PRDM16: variants seen among roughly 807,000 people sequenced by gnomAD.
PRDM16 encodes the protein histone-lysine N-methyltransferase PRDM16.
Under a neutral mutation model 110.6 loss-of-function variants are expected in PRDM16, and 23 were observed. The observed-to-expected ratio is 0.21, with a 90% CI of 0.15 to 0.29. PRDM16 has a LOEUF of 0.29. Among genes scored for constraint, PRDM16 ranks in the 10% least tolerant of loss-of-function variants. PRDM16 has a pLI of 1.00. For missense variants in PRDM16, 1,615 were observed against 1,794.3 expected (o/e 0.90, Z 1.81); for synonymous variants, 799 against 781.8 (o/e 1.02, Z -0.37).
intron 1 of PRDM16, among the ~76,000 whole-genome samples, chr1:3,152,384 TTATCCATCCATCCATCCATTTATCC>T (rs1445456390): frequency 4.4e-5 from 5 of 113,702 alleles, no homozygotes; most frequent in Admixed American, 3.1e-4. Context: ...ATCCATCCAT[TTATCCATCCATCCATCCATTTATCC>T]ATCCATCCAT....
intron 1 of PRDM16, among the ~76,000 whole-genome samples, chr1:3,079,347 G>A (rs1275691466): frequency 2.6e-5 from 4 of 152,070 alleles, no homozygotes; most frequent in Admixed American, 2.0e-4. Context: ...CCCTGTGTGT[G>A]CACAGGGCTC....
chr1:3,354,543 C>T (rs1642556472), intron 3 of PRDM16, among the ~76,000 whole-genome samples: 1 of 152,136 alleles, frequency 6.6e-6, no homozygotes, highest in African/African-American at 2.4e-5. Context: ...AGGCCCTCAG[C>T]CCTTTGACCA....
chr1:3,271,171 A>G (rs541693068), intron 3 of PRDM16, among the ~76,000 whole-genome samples: 1 of 152,172 alleles, frequency 6.6e-6, no homozygotes, highest in South Asian at 2.1e-4. Context: ...GGGGCCCCGG[A>G]CGCCTCCAGG....
chr1:3,165,433 T>G (rs61759163), intron 1 of PRDM16, among the ~76,000 whole-genome samples: 5,952 of 43,530 alleles, frequency 0.14, 145 homozygotes, highest in Admixed American at 0.17. Flanking sequence ...TCAGGGACAG[T>G]GACTCACCTG....
intron 3 of PRDM16, among the ~76,000 whole-genome samples, chr1:3,363,455 G>A (rs1642751959): frequency 3.9e-5 from 6 of 152,172 alleles, no homozygotes; most frequent in South Asian, 4.1e-4. Flanking sequence ...GAGGGATCCC[G>A]GTGAGCACGG....
chr1:3,095,294 C>T (rs569149834), intron 1 of PRDM16, among the ~76,000 whole-genome samples: 44 of 150,534 alleles, frequency 2.9e-4, no homozygotes, highest in Non-Finnish European at 4.3e-4. Flanking sequence ...GGGAGGTAGC[C>T]GAGAAGAGGG....
chr1:3,425,430 TG>T lies in PRDM16; in HGVS notation c.2940-148del. 2 of 768,906 alleles carry T rather than the reference TG, an allele frequency of 2.6e-6. No individual in the cohort carries two copies. The highest frequency in any genetic ancestry group is 4.1e-6 in the Non-Finnish European group (2 of 491,470). 47.6% of individuals were successfully genotyped at this position (768,906 alleles called of 1,614,324 possible). A position where few individuals can be genotyped will look rare whatever the true frequency, so the allele number is the denominator to read the frequency against. ...CCCAGGATGCCTTTGGCTCTGCAGC[TG>T]GGAGATCCAGCAACCTCCGGGACAC... is the stretch of plus-strand genomic sequence containing the variant. On this transcript the variant is annotated intron_variant, in intron 12 of 16. Transcript: ENST00000270722. This position sits in a 1 kb window ranked among gnomAD's most constrained non-coding sequence, Gnocchi z 6.9.
intron 3 of PRDM16, among the ~76,000 whole-genome samples, chr1:3,257,966 G>A (rs1198467014): frequency 6.6e-6 from 1 of 152,154 alleles, no homozygotes. Flanking sequence ...TGTCCTGGGT[G>A]CTGGAGACAT....
chr1:3,276,345 G>C (rs969105384), intron 3 of PRDM16, among the ~76,000 whole-genome samples: 3 of 152,212 alleles, frequency 2.0e-5, no homozygotes, highest in Admixed American at 1.3e-4. Context: ...CAGCGACCAG[G>C]CCTCTTGAGG....
At chr1:3,408,068 G>A (rs560418076) in intron 8 of PRDM16, among the ~76,000 whole-genome samples, 3 of 152,376 alleles carry the variant, frequency 2.0e-5, no homozygotes, top group Admixed American at 6.5e-5. Context: ...TTCAGGCTTG[G>A]AGAGGAGAAT....
chr1:3,323,747 A>G (rs1397747889), intron 3 of PRDM16, among the ~76,000 whole-genome samples: 4 of 152,244 alleles, frequency 2.6e-5, no homozygotes, highest in Non-Finnish European at 5.9e-5. Context: ...AAGGTCTCAC[A>G]TCCCAGAACC....
chr1:3,379,017 G>A (rs1643044963), intron 3 of PRDM16, among the ~76,000 whole-genome samples: 1 of 151,732 alleles, frequency 6.6e-6, no homozygotes, highest in Non-Finnish European at 1.5e-5. Flanking sequence ...ACACCTGACT[G>A]TGATAGCAGA....
At position 3,382,439 on chromosome 1, in the gene PRDM16, G is replaced by T. The variant is rs1643117527; in HGVS notation, c.439-2713G>T. On this transcript the variant is annotated intron_variant, in intron 3 of 16. Coordinates refer to ENST00000270722, the MANE Select transcript of PRDM16 (RefSeq NM_022114.4). This position sits in a 1 kb window ranked among gnomAD's most constrained non-coding sequence, Gnocchi z 6.6. ...CAGGACCTCAAATGTCAAGGGATTT[G>T]CAGTCCTGCCTGGGGCACAGCTGTG... Among the ~76,000 whole-genome samples the T allele has an allele frequency of 6.6e-6, 1 of 152,192 alleles. No individual in the cohort carries two copies. Among genetic ancestry groups the T allele is most frequent in the East Asian group, 1.9e-4 (1 of 5,184 alleles).
chr1:3,109,790 G>A (rs1189147931), intron 1 of PRDM16, among the ~76,000 whole-genome samples: 1 of 152,268 alleles, frequency 6.6e-6, no homozygotes, highest in South Asian at 2.1e-4. Context: ...AATATCACCT[G>A]AGTGGCCCAT....
rs1385628858 is a variant in PRDM16 at position 3,255,906 on chromosome 1, C to T, written c.438+11769C>T. 6.6e-6 allele frequency among the ~76,000 whole-genome samples: 1 copy of T among 152,038 alleles called. No individual in the cohort carries two copies. Among genetic ancestry groups the T allele is most frequent in the Non-Finnish European group, 1.5e-5 (1 of 68,014 alleles). On this transcript the variant is annotated intron_variant, in intron 3 of 16. Coordinates refer to ENST00000270722, the MANE Select transcript of PRDM16 (RefSeq NM_022114.4). The surrounding 1 kb of genome is among the most constrained non-coding windows in gnomAD (Gnocchi z 4.7). ...CTGACACCCGAAGCCAACCCCGTGG[C>T]CGCACCGACACCTGAAGCCAATCCC...
At chr1:3,075,279 A>C (rs1259875418) in intron 1 of PRDM16, among the ~76,000 whole-genome samples, 1 of 152,262 alleles carries the variant, frequency 6.6e-6, no homozygotes, top group Non-Finnish European at 1.5e-5. Context: ...ATTTCTGTCC[A>C]TGAAAATTGG....
At chr1:3,387,740 T>C (rs1643225624) in intron 4 of PRDM16, among the ~76,000 whole-genome samples, 1 of 152,252 alleles carries the variant, frequency 6.6e-6, no homozygotes, top group Non-Finnish European at 1.5e-5. Context: ...CTTCTTCTCC[T>C]GAAATCTCAA....
In PRDM16 at chr1:3,412,545, A is replaced by G. The variant is rs1569732684; in HGVS notation, c.2348A>G (p.Lys783Arg). ...CTCACCACCAAGCCCAAAGACGTGA[A>G]GCCCATCCTGCCCATGCCCAAGGGC... ...FDLTTKPKDV[K>R]PILPMPKGPS... The change falls in exon 9 of 17, where the codon AAG becomes AGG. Residue 783 changes from lysine (K) to arginine (R), a missense_variant. Transcript: ENST00000270722. 1.2e-6 allele frequency: 2 copies of G among 1,612,368 alleles called. No homozygotes were observed. The highest frequency in any genetic ancestry group is 2.7e-5 in the African/African-American group (2 of 75,064).
At position 3,359,349 on chromosome 1, in the gene PRDM16, C is replaced by G. The variant is rs2100554978; in HGVS notation, c.439-25803C>G. On this transcript the variant is annotated intron_variant, in intron 3 of 16. Transcript: ENST00000270722. The surrounding 1 kb of genome is among the most constrained non-coding windows in gnomAD (Gnocchi z 4.3). ...TGGATGTCAATGTCCATGAAAACAGCCTCAGAACTATCAGGGTCTCCCTTC... is the reference window on the plus strand; with the variant it reads ...TGGATGTCAATGTCCATGAAAACAGGCTCAGAACTATCAGGGTCTCCCTTC... 6.6e-6 allele frequency among the ~76,000 whole-genome samples: 1 copy of G among 152,338 alleles called. No individual in the cohort carries two copies. Among genetic ancestry groups the G allele is most frequent in the South Asian group, 2.1e-4 (1 of 4,824 alleles).
Sources: allele counts gnomAD v4.1 joint callset (sites outside exome capture counted in the v4.1 genomes callset), GRCh38; gene constraint gnomAD v4.1.1; non-coding constraint Gnocchi (gnomAD v3.1); transcripts MANE v1.5; gene names NCBI Gene and HGNC (gene_info 2026-07-23, HGNC 2026-07-21).